The following DYNC2H1 variants were observed in gnomAD, a reference collection of about 807,000 sequenced individuals.
DYNC2H1 encodes the protein dynein cytoplasmic 2 heavy chain 1.
A neutral mutation model predicts 570.0 loss-of-function variants in DYNC2H1; 410 were observed. That is an observed-to-expected ratio of 0.72 (90% CI 0.66 to 0.78). The LOEUF is 0.78. Ranked by LOEUF, DYNC2H1 falls within the 30% of genes least tolerant of loss-of-function variation. DYNC2H1 has a pLI of 0.00. For synonymous variants in DYNC2H1, 1,688 were observed against 1,677.6 expected (o/e 1.01, Z -0.15); for missense variants, 4,865 against 5,046.4 (o/e 0.96, Z 1.09).
At chr11:103,451,324 CTTTTTTTTTTT>C (rs34032894) in intron 85 of DYNC2H1, among the ~76,000 whole-genome samples, 8,518 of 71,108 alleles carry the variant, frequency 0.12, 348 homozygotes, top group Admixed American at 0.15. Flanking sequence ...AGTAAAAGGG[CTTTTTTTTTTT>C]TTTTTTTTTT....
intron 53 of DYNC2H1, among the ~76,000 whole-genome samples, chr11:103,210,809 T>C (rs1863127859): frequency 6.6e-6 from 1 of 151,884 alleles, no homozygotes; most frequent in African/African-American, 2.4e-5. Flanking sequence ...AAATAAGTAC[T>C]AGATGAAGAG....
In DYNC2H1 at chr11:103,286,320, T is replaced by C; in HGVS notation, c.10956T>C (p.Tyr3652=). Residue 3652 remains tyrosine (Y), a synonymous_variant, in exon 74 of 89, where the codon TAT becomes TAC. Coordinates refer to ENST00000375735, the MANE Select transcript of DYNC2H1 (RefSeq NM_001377.3). ...FEDAALWRTY[Y]NNSMCEQEFP... ...ATGCAGCTCTGTGGCGTACTTATTA[T>C]AATAATTCAATGTGTGAGCAAGAGT... 1 of 1,613,836 alleles carries C rather than the reference T, an allele frequency of 6.2e-7. No individual in the cohort carries two copies. The highest frequency in any genetic ancestry group is 8.5e-7 in the Non-Finnish European group (1 of 1,179,782).
At chr11:103,238,171 A>T (rs1245377614) in intron 63 of DYNC2H1, among the ~76,000 whole-genome samples, 2 of 152,148 alleles carry the variant, frequency 1.3e-5, no homozygotes, top group Non-Finnish European at 2.9e-5. Context: ...CCATGTACGT[A>T]AAATTAAATC....
rs777816201 is a variant in DYNC2H1, at chr11:103,375,108, G to T, written c.12156+16749G>T. ...CCACCTGCTCTAGCCATGGCAAAAA[G>T]GGGTCAAGGTACAGCTCAGACTGTT... is the stretch of plus-strand genomic sequence containing the variant. On this transcript the variant is annotated intron_variant, in intron 83 of 88. Transcript: ENST00000375735. Among the ~76,000 whole-genome samples, 6 of 152,312 alleles carry T rather than the reference G, an allele frequency of 3.9e-5. No individual in the cohort carries two copies. In the South Asian group the frequency reaches 1.2e-3, roughly 32 times the overall value.
intron 59 of DYNC2H1, among the ~76,000 whole-genome samples, chr11:103,225,303 T>A (rs1182982097): frequency 1.3e-5 from 2 of 152,180 alleles, no homozygotes; most frequent in East Asian, 1.9e-4. Flanking sequence ...TGCTTTTGGG[T>A]TCTTGGTCAT....
intron 26 of DYNC2H1, among the ~76,000 whole-genome samples, chr11:103,158,176 G>T (rs1464714997): frequency 1.3e-5 from 2 of 152,240 alleles, no homozygotes. Flanking sequence ...GGCTGGGCAT[G>T]GTGGCTCACG....
At position 103,199,316 on chromosome 11, in the gene DYNC2H1, T is replaced by C. The variant is rs778502456; in HGVS notation, c.7928T>C (p.Val2643Ala). ...VLEYMSRIDR[V>A]LSFPGGSLLL... ...GAGTATATGTCTAGGATAGATAGAG[T>C]GCTGAGTTTCCCTGGAGGTTCACTT... is the stretch of plus-strand genomic sequence containing the variant. Residue 2643 changes from valine (V) to alanine (A), a missense_variant, in exon 49 of 89, where the codon GTG becomes GCG. Around this residue, in one of 5 missense-constraint regions of DYNC2H1, gnomAD observed 2,401 missense variants for 2,454.6 expected, o/e 0.98. Transcript: ENST00000375735. The surrounding 1 kb of genome is among the most constrained non-coding windows in gnomAD (Gnocchi z 4.6). 2 of 1,611,722 alleles carry C rather than the reference T, an allele frequency of 1.2e-6. No individual in the cohort carries two copies. The highest frequency in any genetic ancestry group is 4.4e-4 in the Middle Eastern group (2 of 4,564).
Position 103,256,320 on chromosome 11 carries a change from G to T in DYNC2H1, c.10461+80G>T. On this transcript the variant is annotated intron_variant, in intron 68 of 88. Transcript: ENST00000375735. This position sits in a 1 kb window ranked among gnomAD's most constrained non-coding sequence, Gnocchi z 4.0. ...AATATGATAGAAAATGTAGAATCAG[G>T]TCCTCAGGGGAAAGATGATGTGAAA... The T allele has an allele frequency of 7.4e-7, 1 of 1,350,202 alleles. No homozygotes were observed. Among genetic ancestry groups the T allele is most frequent in the Non-Finnish European group, 1.0e-6 (1 of 991,864 alleles). The allele number at this position is 1,350,202 out of a possible 1,614,324, so 83.6% of individuals were successfully genotyped here. A position where few individuals can be genotyped will look rare whatever the true frequency, so the allele number is the denominator to read the frequency against.
intron 25 of DYNC2H1, among the ~76,000 whole-genome samples, chr11:103,155,922 T>C (rs1860796308): frequency 6.6e-6 from 1 of 152,198 alleles, no homozygotes; most frequent in Admixed American, 6.6e-5. Flanking sequence ...TTAAATAATC[T>C]TGAGAAGTTA....
Position 103,461,903 on chromosome 11 carries a change from C to T in DYNC2H1, c.12648+5547C>T, listed in dbSNP as rs1945027087. 1.3e-5 allele frequency among the ~76,000 whole-genome samples: 2 copies of T among 151,698 alleles called. No homozygotes were observed. Among genetic ancestry groups the T allele is most frequent in the African/African-American group, 4.8e-5 (2 of 41,338 alleles). ...TCAGACATCATTTTATTTTACCCCT[C>T]TATGGTTCTGAATGTGTTTCTTTAA... is the stretch of plus-strand genomic sequence containing the variant. On this transcript the variant is annotated intron_variant, in intron 87 of 88. Transcript: ENST00000375735. The surrounding 1 kb of genome is among the most constrained non-coding windows in gnomAD (Gnocchi z 4.8).
At chr11:103,242,275 C>T (rs1864451952) in intron 63 of DYNC2H1, among the ~76,000 whole-genome samples, 1 of 152,036 alleles carries the variant, frequency 6.6e-6, no homozygotes, top group African/African-American at 2.4e-5. Context: ...AAGTTACACA[C>T]AGTAAGAGAT....
At chr11:103,316,878 G>T (rs1192097550) in intron 80 of DYNC2H1, among the ~76,000 whole-genome samples, 2 of 151,962 alleles carry the variant, frequency 1.3e-5, no homozygotes, top group South Asian at 2.1e-4. Flanking sequence ...AAAGTTTCAG[G>T]CACTAACTGA....
chr11:103,184,605 C>G (rs1316724521), intron 40 of DYNC2H1, among the ~76,000 whole-genome samples: 3 of 151,884 alleles, frequency 2.0e-5, no homozygotes, highest in Admixed American at 6.6e-5. Flanking sequence ...ACAATGCTCC[C>G]TAACTTACCT....
intron 84 of DYNC2H1, among the ~76,000 whole-genome samples, chr11:103,424,705 C>T (rs369198376): frequency 7.6e-6 from 1 of 131,040 alleles, no homozygotes; most frequent in Non-Finnish European, 1.7e-5. Flanking sequence ...ACTGGCTCTC[C>T]AAAAAAAAAA....
chr11:103,230,824 C>G (rs1012519682), intron 59 of DYNC2H1, among the ~76,000 whole-genome samples: 2 of 151,998 alleles, frequency 1.3e-5, no homozygotes, highest in Non-Finnish European at 2.9e-5. Context: ...GGGCTCTGAT[C>G]GTACCACTGC....
In DYNC2H1 at chr11:103,299,680, C is replaced by T. The variant is rs4754903; in HGVS notation, c.11096-3413C>T. On this transcript the variant is annotated intron_variant, in intron 75 of 88. Coordinates refer to ENST00000375735, the MANE Select transcript of DYNC2H1 (RefSeq NM_001377.3). The surrounding 1 kb of genome is among the most constrained non-coding windows in gnomAD (Gnocchi z 4.5). Reference sequence around the variant, plus strand: ...CTAACAAGAGAAACTGCTCCGCTTTCAAGGGGTCAATTGATTAGCTTGGCC... The same window carrying T: ...CTAACAAGAGAAACTGCTCCGCTTTTAAGGGGTCAATTGATTAGCTTGGCC... Among the ~76,000 whole-genome samples, 25,170 of 152,010 alleles carry T rather than the reference C, an allele frequency of 0.17. 2,271 individuals carry two copies. Among genetic ancestry groups the T allele is most frequent in the Admixed American group, 0.25 (3,846 of 15,228 alleles).
intron 83 of DYNC2H1, among the ~76,000 whole-genome samples, chr11:103,366,183 T>C (rs1940900825): frequency 6.6e-6 from 1 of 152,204 alleles, no homozygotes; most frequent in Non-Finnish European, 1.5e-5. Context: ...TCTTGTTGGA[T>C]TGAATGTAAG....
chr11:103,110,131 C>A (rs895787894), intron 1 of DYNC2H1, among the ~76,000 whole-genome samples: 1 of 152,168 alleles, frequency 6.6e-6, no homozygotes, highest in Non-Finnish European at 1.5e-5. Flanking sequence ...TGAGTTCAAG[C>A]GATTCTCGTG....
At chr11:103,130,240 C>A (rs1859205695) in intron 13 of DYNC2H1, among the ~76,000 whole-genome samples, 1 of 152,120 alleles carries the variant, frequency 6.6e-6, no homozygotes, top group Admixed American at 6.5e-5. Flanking sequence ...AGAAGGAAAG[C>A]AAATATTCAG....
Sources: allele counts gnomAD v4.1 joint callset (sites outside exome capture counted in the v4.1 genomes callset), GRCh38; gene constraint gnomAD v4.1.1; regional missense constraint gnomAD v4.1.1; non-coding constraint Gnocchi (gnomAD v3.1); transcripts MANE v1.5; gene names NCBI Gene and HGNC (gene_info 2026-07-23, HGNC 2026-07-21).